CDH4: variants seen among roughly 807,000 people sequenced by gnomAD.
The protein encoded by CDH4 is cadherin-4.
A neutral mutation model predicts 86.0 loss-of-function variants in CDH4; 33 were observed. The observed-to-expected ratio is 0.38, with a 90% CI of 0.29 to 0.51. The LOEUF (loss-of-function observed/expected upper bound fraction) is 0.51. Ranked by LOEUF, CDH4 falls within the 20% of genes least tolerant of loss-of-function variation. The probability of loss-of-function intolerance (pLI) is 0.86; values close to 1 mark genes in which losing one functional copy is unlikely to be tolerated. For synonymous variants in CDH4, 555 were observed against 549.4 expected (o/e 1.01, Z -0.14); for missense variants, 1,114 against 1,307.4 (o/e 0.85, Z 2.28).
chr20:61,338,622 C>T (rs1257155951), intron 2 of CDH4, among the ~76,000 whole-genome samples: 1 of 152,138 alleles, frequency 6.6e-6, no homozygotes, highest in African/African-American at 2.4e-5. Context: ...CCCTGACCCT[C>T]CAGACTAAGT....
In CDH4 at chr20:61,515,876, C is replaced by T. The variant is rs116912527; in HGVS notation, c.170-227687C>T. Among the ~76,000 whole-genome samples the T allele has an allele frequency of 7.2e-3, 1,096 of 152,294 alleles. 47 individuals carry two copies. Among genetic ancestry groups the T allele is most frequent in the East Asian group, 0.071 (366 of 5,168 alleles). ...TCTCGCTCTTTCTCATTTGCTCGCT[C>T]GCTCTCTGTTTCCCGCGTGGCTTGC... is the stretch of plus-strand genomic sequence containing the variant. On this transcript the variant is annotated intron_variant, in intron 2 of 15. Coordinates refer to ENST00000614565, the MANE Select transcript of CDH4 (RefSeq NM_001794.5).
At position 61,412,917 on chromosome 20, in the gene CDH4, C is replaced by T. The variant is rs535619226; in HGVS notation, c.169+157980C>T. On this transcript the variant is annotated intron_variant, in intron 2 of 15. Coordinates refer to ENST00000614565, the MANE Select transcript of CDH4 (RefSeq NM_001794.5). ...CGGGAAGAGTGTTTCTCCAGGGAGA[C>T]CCTGAGGGGCTGTTTCCAGAGGAAG... 7.2e-5 allele frequency among the ~76,000 whole-genome samples: 11 copies of T among 152,290 alleles called. No homozygotes were observed. In the East Asian group the frequency reaches 1.7e-3, roughly 24 times the overall value.
Position 61,388,746 on chromosome 20 carries a change from G to A in CDH4, c.169+133809G>A, listed in dbSNP as rs566376998. ...ATGGTTTGTGTATACATGTGTATGC[G>A]TGCGCAAATACATGAGTTACATTTT... On this transcript the variant is annotated intron_variant, in intron 2 of 15. Transcript: ENST00000614565. Among the ~76,000 whole-genome samples, 41 of 152,302 alleles carry A rather than the reference G, an allele frequency of 2.7e-4. No homozygotes were observed. The South Asian group carries it at 3.5e-3, about 13-fold the overall frequency.
At chr20:61,664,382 G>T (rs1341252167) in intron 2 of CDH4, among the ~76,000 whole-genome samples, 1 of 152,218 alleles carries the variant, frequency 6.6e-6, no homozygotes, top group African/African-American at 2.4e-5. Flanking sequence ...CCTGGGAGTG[G>T]GGTGGGGGCA....
chr20:61,466,889 A>G (rs1241678054), intron 2 of CDH4, among the ~76,000 whole-genome samples: 1 of 118,040 alleles, frequency 8.5e-6, no homozygotes, highest in Non-Finnish European at 1.7e-5. Context: ...TCTCCTTGCA[A>G]GTAAGACTGA....
intron 2 of CDH4, among the ~76,000 whole-genome samples, chr20:61,702,250 G>A (rs1297320448): frequency 6.6e-6 from 1 of 152,170 alleles, no homozygotes; most frequent in Non-Finnish European, 1.5e-5. Context: ...ACTGGGTTTT[G>A]CTGAGAACCA....
At chr20:61,847,086 C>A (rs748785440) in intron 5 of CDH4, among the ~76,000 whole-genome samples, 1 of 152,246 alleles carries the variant, frequency 6.6e-6, no homozygotes, top group Non-Finnish European at 1.5e-5. Flanking sequence ...ATAATTCCTC[C>A]TGGAAACCTG....
chr20:61,546,180 G>T (rs1156771166), intron 2 of CDH4, among the ~76,000 whole-genome samples: 1 of 133,050 alleles, frequency 7.5e-6, no homozygotes, highest in Non-Finnish European at 1.6e-5. Context: ...GTGTGTGGGG[G>T]TATGTGGGAT....
chr20:61,705,822 C>T (rs1001176111), intron 2 of CDH4, among the ~76,000 whole-genome samples: 1 of 152,228 alleles, frequency 6.6e-6, no homozygotes, highest in Admixed American at 6.5e-5. Flanking sequence ...AAGGGGCTGG[C>T]CGGGCTCTTC....
At chr20:61,656,318 T>G (rs374767403) in intron 2 of CDH4, among the ~76,000 whole-genome samples, 1 of 45,998 alleles carries the variant, frequency 2.2e-5, no homozygotes, top group African/African-American at 9.9e-5. Flanking sequence ...CGTGCTGAAG[T>G]GGGCAGGCGC....
intron 2 of CDH4, among the ~76,000 whole-genome samples, chr20:61,595,803 G>T (rs1277590360): frequency 6.6e-6 from 1 of 152,194 alleles, no homozygotes; most frequent in Non-Finnish European, 1.5e-5. Context: ...GGAGCACGTG[G>T]GTGGGAAAGA....
At chr20:61,931,417 G>A (rs953817957) in intron 13 of CDH4, among the ~76,000 whole-genome samples, 12 of 152,326 alleles carry the variant, frequency 7.9e-5, no homozygotes, top group Admixed American at 7.2e-4. Flanking sequence ...CTCCTCCCAA[G>A]CCTCCACTCC....
At chr20:61,483,943 T>C (rs1269380819) in intron 2 of CDH4, among the ~76,000 whole-genome samples, 1 of 152,208 alleles carries the variant, frequency 6.6e-6, no homozygotes, top group African/African-American at 2.4e-5. Context: ...TCCTGTCCCA[T>C]CTTTCTGATA....
intron 2 of CDH4, among the ~76,000 whole-genome samples, chr20:61,430,485 G>A (rs2085240517): frequency 6.6e-6 from 1 of 152,170 alleles, no homozygotes; most frequent in Admixed American, 6.5e-5. Flanking sequence ...GAGCGTGGCA[G>A]GATATAGTGC....
intron 2 of CDH4, among the ~76,000 whole-genome samples, chr20:61,654,429 G>A (rs1044046430): frequency 6.6e-6 from 1 of 152,194 alleles, no homozygotes; most frequent in African/African-American, 2.4e-5. Context: ...GAGGGAGAGG[G>A]AGACCGTGGG....
At chr20:61,611,515 T>C (rs1361718774) in intron 2 of CDH4, among the ~76,000 whole-genome samples, 1 of 151,918 alleles carries the variant, frequency 6.6e-6, no homozygotes, top group Admixed American at 6.6e-5. Context: ...TGGGCAAGGC[T>C]CCCTCTGGCT....
chr20:61,429,755 G>GTGGATGGATGGA (rs111226650), intron 2 of CDH4, among the ~76,000 whole-genome samples: 17,563 of 141,152 alleles, frequency 0.12, 1,428 homozygotes, highest in African/African-American at 0.22. Flanking sequence ...GGATAGGTGT[G>GTGGATGGATGGA]TGGATGGATG....
At chr20:61,421,316 A>G (rs2085176623) in intron 2 of CDH4, among the ~76,000 whole-genome samples, 1 of 152,188 alleles carries the variant, frequency 6.6e-6, no homozygotes. Flanking sequence ...TCTTTATTCC[A>G]TTCCATAACA....
At chr20:61,357,068 G>C (rs2084754324) in intron 2 of CDH4, among the ~76,000 whole-genome samples, 1 of 152,160 alleles carries the variant, frequency 6.6e-6, no homozygotes, top group Non-Finnish European at 1.5e-5. Context: ...GAGATGCGGG[G>C]TGCCAGGTTA....
Sources: allele counts gnomAD v4.1 joint callset (sites outside exome capture counted in the v4.1 genomes callset), GRCh38; gene constraint gnomAD v4.1.1; transcripts MANE v1.5; gene names NCBI Gene and HGNC (gene_info 2026-07-23, HGNC 2026-07-21).